ZNF654: variants seen among roughly 807,000 people sequenced by gnomAD.
ZNF654 encodes the protein melanoma-associated antigen.
In ZNF654, 19 loss-of-function variants were observed where a neutral mutation model predicts 95.3. The observed-to-expected ratio is 0.20, with a 90% CI of 0.14 to 0.29. The LOEUF (loss-of-function observed/expected upper bound fraction) is 0.29, where lower values mean the gene tolerates loss of function less well. Ranked by LOEUF, ZNF654 falls within the 10% of genes least tolerant of loss-of-function variation. The pLI is 1.00. For missense variants in ZNF654, 1,046 were observed against 1,341.0 expected (o/e 0.78, Z 3.44); for synonymous variants, 413 against 457.9 (o/e 0.90, Z 1.25).
chr3:88,125,257 A>G (rs1304171027), intron 3 of ZNF654, among the ~76,000 whole-genome samples: 1 of 151,962 alleles, frequency 6.6e-6, no homozygotes, highest in Non-Finnish European at 1.5e-5. Flanking sequence ...AATATCTAAT[A>G]AAGTATGTAA....
At chr3:88,089,352 G>A (rs1326379701) in intron 2 of ZNF654, among the ~76,000 whole-genome samples, 5 of 151,742 alleles carry the variant, frequency 3.3e-5, no homozygotes, top group African/African-American at 7.3e-5. Context: ...TTAGCCAGGC[G>A]TGGTGGCAAG....
intron 2 of ZNF654, among the ~76,000 whole-genome samples, chr3:88,109,730 T>C (rs369772245): frequency 1.1e-3 from 160 of 152,308 alleles, no homozygotes; most frequent in Non-Finnish European, 1.7e-3. Context: ...TCAATTTAGG[T>C]AAGTGAACTG....
At chr3:88,069,804 A>G (rs1367334140) in intron 1 of ZNF654, among the ~76,000 whole-genome samples, 3 of 152,230 alleles carry the variant, frequency 2.0e-5, no homozygotes, top group Admixed American at 6.5e-5. Context: ...GCAAACCAGT[A>G]GAAGTTATTT....
intron 1 of ZNF654, among the ~76,000 whole-genome samples, chr3:88,068,395 T>C (rs1356741727): frequency 6.6e-6 from 1 of 152,168 alleles, no homozygotes; most frequent in Non-Finnish European, 1.5e-5. Context: ...GTTGTATCAG[T>C]ACATATTAAT....
chr3:88,090,408 T>TA (rs1174620405), intron 2 of ZNF654, among the ~76,000 whole-genome samples: 6 of 152,052 alleles, frequency 3.9e-5, no homozygotes, highest in African/African-American at 1.4e-4. Flanking sequence ...AAAAAATTTT[T>TA]AAAAATGGAA....
At position 88,127,886 on chromosome 3, in the gene ZNF654, C is replaced by T. The variant is rs117504519; in HGVS notation, c.551-923C>T. Reference sequence around the variant, plus strand: ...AAAGACCAGAGTGAAGTTATCTTTGCATTAACAATACAAATCAGTGTTTGC... The same window carrying T: ...AAAGACCAGAGTGAAGTTATCTTTGTATTAACAATACAAATCAGTGTTTGC... On this transcript the variant is annotated intron_variant, in intron 4 of 8. Transcript: ENST00000636215. 3.1e-3 allele frequency among the ~76,000 whole-genome samples: 471 copies of T among 152,270 alleles called. 9 individuals carry two copies. In the East Asian group the frequency reaches 0.032, roughly 10 times the overall value.
chr3:88,069,380 CCGCTGCACTT>C (rs1421270557), intron 1 of ZNF654, among the ~76,000 whole-genome samples: 4 of 152,162 alleles, frequency 2.6e-5, no homozygotes, highest in Admixed American at 6.6e-5. Context: ...CTAGATGGCG[CCGCTGCACTT>C]CAGCCTGGGT....
rs114430270 is a variant in ZNF654, at chr3:88,072,222, A to G, written c.186+12717A>G. On this transcript the variant is annotated intron_variant, in intron 1 of 8. Transcript: ENST00000636215. ...TATCTAACTATTATTTCTGTCTATT[A>G]TGACCCTGATCCAAACTATAGGTAT... 7.6e-3 allele frequency among the ~76,000 whole-genome samples: 1,161 copies of G among 152,296 alleles called. 10 individuals carry two copies. Among genetic ancestry groups the G allele is most frequent in the Middle Eastern group, 0.034 (10 of 294 alleles).
chr3:88,102,817 C>CTGTT (rs777760226), intron 2 of ZNF654, among the ~76,000 whole-genome samples: 1 of 106,548 alleles, frequency 9.4e-6, no homozygotes, highest in East Asian at 3.0e-4. Flanking sequence ...CCTCTACTGT[C>CTGTT]TTTTTTTTTT....
intron 1 of ZNF654, among the ~76,000 whole-genome samples, chr3:88,060,254 A>T (rs1319280851): frequency 6.6e-6 from 1 of 152,118 alleles, no homozygotes; most frequent in East Asian, 1.9e-4. Context: ...AATGTATTTT[A>T]TTTAGCCTGT....
intron 1 of ZNF654, among the ~76,000 whole-genome samples, chr3:88,059,838 TTA>T (rs1706749850): frequency 6.6e-6 from 1 of 152,170 alleles, no homozygotes; most frequent in Non-Finnish European, 1.5e-5. Context: ...CCCGCCTTTC[TTA>T]TGTTTCCTAC....
intron 3 of ZNF654, among the ~76,000 whole-genome samples, chr3:88,117,228 C>A (rs899206861): frequency 2.6e-5 from 4 of 152,126 alleles, no homozygotes; most frequent in Admixed American, 1.3e-4. Context: ...ATTTTCAACT[C>A]ATAATTACTT....
chr3:88,142,524 C>T lies in ZNF654; in HGVS notation c.*872C>T, dbSNP rs1340791372. On this transcript the variant is annotated 3_prime_UTR_variant, in exon 9 of 9. Coordinates refer to ENST00000636215, the MANE Select transcript of ZNF654 (RefSeq NM_001350134.2). Reference sequence around the variant, plus strand: ...CAATGTGAATAATGGTAAAAGCACACTGGGATACTTCTGTTTGTGTATATG... The same window carrying T: ...CAATGTGAATAATGGTAAAAGCACATTGGGATACTTCTGTTTGTGTATATG... The T allele has an allele frequency of 2.6e-5, 4 of 152,336 alleles. No individual in the cohort carries two copies. The highest frequency in any genetic ancestry group is 5.9e-5 in the Non-Finnish European group (4 of 67,846). 9.4% of individuals were successfully genotyped at this position (152,336 alleles called of 1,614,324 possible). A position where few individuals can be genotyped will look rare whatever the true frequency, so the allele number is the denominator to read the frequency against.
intron 2 of ZNF654, among the ~76,000 whole-genome samples, chr3:88,088,981 C>T (rs1708492744): frequency 6.6e-6 from 1 of 151,838 alleles, no homozygotes; most frequent in Middle Eastern, 3.4e-3. Flanking sequence ...CCATGTTGGC[C>T]AGGCTGGTTT....
chr3:88,139,459 A>G lies in ZNF654; in HGVS notation c.1790A>G (p.Lys597Arg), dbSNP rs780652635. ...MQKHLKNHVK[K>R]IQRQQIAAAQ... ...AAGCATTTGAAGAATCATGTTAAGAAGATACAGAGGCAGCAAATTGCTGCA... is the reference window on the plus strand; with the variant it reads ...AAGCATTTGAAGAATCATGTTAAGAGGATACAGAGGCAGCAAATTGCTGCA... Residue 597 changes from lysine (K) to arginine (R), a missense_variant, in exon 8 of 9, where the codon AAG (lysine) becomes AGG (arginine). This residue lies in a region of ZNF654 where 495 missense variants were observed against 537.0 expected (regional missense o/e 0.92). Coordinates refer to ENST00000636215, the MANE Select transcript of ZNF654 (RefSeq NM_001350134.2). 2 of 1,613,836 alleles carry G rather than the reference A, an allele frequency of 1.2e-6. No individual in the cohort carries two copies. Among genetic ancestry groups the G allele is most frequent in the South Asian group, 2.2e-5 (2 of 91,072 alleles).
chr3:88,138,468 AAATT>A (rs1706933592), intron 7 of ZNF654, among the ~76,000 whole-genome samples: 1 of 152,146 alleles, frequency 6.6e-6, no homozygotes, highest in Non-Finnish European at 1.5e-5. Context: ...TCAAATGTGA[AAATT>A]AAATAAATTA....
chr3:88,106,842 A>C (rs193120347), intron 2 of ZNF654, among the ~76,000 whole-genome samples: 1 of 152,156 alleles, frequency 6.6e-6, no homozygotes, highest in Non-Finnish European at 1.5e-5. Flanking sequence ...TATAATTTTT[A>C]ACATTTGGCT....
intron 1 of ZNF654, among the ~76,000 whole-genome samples, chr3:88,061,209 CA>C (rs1706862162): frequency 6.6e-6 from 1 of 152,002 alleles, no homozygotes; most frequent in African/African-American, 2.4e-5. Context: ...TTAATATATT[CA>C]GGGGCTGAAA....
At position 88,140,104 on chromosome 3, in the gene ZNF654, C is replaced by T; in HGVS notation, c.2435C>T (p.Pro812Leu). 6.2e-7 allele frequency: 1 copy of T among 1,613,820 alleles called. No homozygotes were observed. The highest frequency in any genetic ancestry group is 8.5e-7 in the Non-Finnish European group (1 of 1,179,796). The change falls in exon 8 of 9, where the codon CCA (proline) becomes CTA (leucine). Residue 812 changes from proline (P) to leucine (L), a missense_variant. By Grantham distance (98) the Pro-to-Leu change is moderately conservative. Around this residue, in one of 9 missense-constraint regions of ZNF654, gnomAD observed 495 missense variants for 537.0 expected, o/e 0.92. Coordinates refer to ENST00000636215, the MANE Select transcript of ZNF654 (RefSeq NM_001350134.2). Reference sequence around the variant, plus strand: ...GACCACCTTAATAGACATAGCTATCCAAATGTGTATTTTTGTTTGCATTTT... The same window carrying T: ...GACCACCTTAATAGACATAGCTATCTAAATGTGTATTTTTGTTTGCATTTT... Reference protein sequence around the residue: ...FIDHLNRHSYPNVYFCLHFNC... With the variant: ...FIDHLNRHSYLNVYFCLHFNC...
Sources: gnomAD v4.1 joint callset for allele counts (sites outside exome capture counted in the v4.1 genomes callset) on GRCh38, gnomAD v4.1.1 for gene constraint, gnomAD v4.1.1 regional missense constraint, MANE v1.5 for transcripts, NCBI Gene and HGNC (gene_info 2026-07-23, HGNC 2026-07-21) for gene names.